The following CATSPER1 variants were observed in gnomAD, a reference collection of about 807,000 sequenced individuals.
The protein encoded by CATSPER1 is cation channel sperm-associated protein 1.
Under a neutral mutation model 72.7 loss-of-function variants are expected in CATSPER1, and 57 were observed. That is an observed-to-expected ratio of 0.78 (90% CI 0.63 to 0.98). The LOEUF (loss-of-function observed/expected upper bound fraction) is 0.98. CATSPER1 is among the 50% of genes least tolerant of loss of function. The pLI, the probability that CATSPER1 is intolerant of heterozygous loss-of-function variation, is 0.00. For missense variants in CATSPER1, 910 were observed against 1,033.9 expected (o/e 0.88, Z 1.64); for synonymous variants, 363 against 403.0 (o/e 0.90, Z 1.19).
intron 1 of CATSPER1, among the ~76,000 whole-genome samples, chr11:66,023,304 G>A (rs1226775174): frequency 1.3e-5 from 2 of 152,178 alleles, no homozygotes; most frequent in Non-Finnish European, 2.9e-5. Context: ...TGGCCAGGCT[G>A]GTCTCGAACT....
Position 66,016,860 on chromosome 11 carries a change from C to T in CATSPER1, c.*30G>A, listed in dbSNP as rs964650213. On this transcript the variant is annotated 3_prime_UTR_variant, in exon 12 of 12. Coordinates refer to ENST00000312106, the MANE Select transcript of CATSPER1 (RefSeq NM_053054.4). ...ACCCAGGTGGGCAGACTGCCAGGGG[C>T]TGAAGTCTGTATCTGGTGTCCTCCT... is the stretch of plus-strand genomic sequence containing the variant. The T allele has an allele frequency of 9.9e-6, 16 of 1,610,734 alleles. No individual in the cohort carries two copies. Among genetic ancestry groups the T allele is most frequent in the Non-Finnish European group, 1.4e-5 (16 of 1,177,922 alleles).
In CATSPER1 at chr11:66,017,193, G is replaced by GGGGGGGGGCCC; in HGVS notation, c.2202-20_2202-19insGGGCCCCCCCC. 3 of 493,778 alleles carry GGGGGGGGGCCC rather than the reference G, an allele frequency of 6.1e-6. No individual in the cohort carries two copies. Among genetic ancestry groups the GGGGGGGGGCCC allele is most frequent in the Non-Finnish European group, 1.2e-5 (3 of 252,602 alleles). The allele number at this position is 493,778 out of a possible 1,614,324, so 30.6% of individuals were successfully genotyped here. A position where few individuals can be genotyped will look rare whatever the true frequency, so the allele number is the denominator to read the frequency against. The stretch of plus-strand genomic sequence containing the variant: ...CTGCTGCCTGCGGGTGGGCGGGGGG[G>GGGGGGGGGCCC]TCGCAGAGACAGGGGCTGGGCTGAC... On this transcript the variant is annotated intron_variant, in intron 10 of 11. Coordinates refer to ENST00000312106, the MANE Select transcript of CATSPER1 (RefSeq NM_053054.4).
chr11:66,020,089 T>C lies in CATSPER1; in HGVS notation c.2125+51A>G, dbSNP rs779977159. The C allele has an allele frequency of 5.1e-6, 8 of 1,575,154 alleles. No individual in the cohort carries two copies. In the African/African-American group the frequency reaches 5.4e-5, roughly 11 times the overall value. On this transcript the variant is annotated intron_variant, in intron 9 of 11. Transcript: ENST00000312106. This position sits in a 1 kb window ranked among gnomAD's most constrained non-coding sequence, Gnocchi z 4.5. Reference sequence around the variant, plus strand: ...AAGGAGGTTAGGGGGATGGAGAGACTGGCCCCCACTGCGGACGGGCAGGTG... The same window carrying C: ...AAGGAGGTTAGGGGGATGGAGAGACCGGCCCCCACTGCGGACGGGCAGGTG...
Position 66,020,384 on chromosome 11 carries a change from A to G in CATSPER1, c.1997T>C (p.Val666Ala), listed in dbSNP as rs759781400. The change falls in exon 8 of 12, where the codon GTG becomes GCG. Residue 666 changes from valine to alanine, a missense_variant. Coordinates refer to ENST00000312106, the MANE Select transcript of CATSPER1 (RefSeq NM_053054.4). The surrounding 1 kb of genome is among the most constrained non-coding windows in gnomAD (Gnocchi z 4.5). ...GAAGCTATCCACCAGGACAGTAATC[A>G]CCAGGCTGGGGAGAGGGACAGGGGT... ...IIQYFIFLNL[V>A]ITVLVDSFQT... 2 of 1,613,980 alleles carry G rather than the reference A, an allele frequency of 1.2e-6. No individual in the cohort carries two copies. Among genetic ancestry groups the G allele is most frequent in the Non-Finnish European group, 1.7e-6 (2 of 1,180,008 alleles).
chr11:66,025,431 C>T lies in CATSPER1; in HGVS notation c.949G>A (p.Asp317Asn), dbSNP rs1379432582. 4.3e-6 allele frequency: 7 copies of T among 1,612,318 alleles called. No homozygotes were observed. The highest frequency in any genetic ancestry group is 2.2e-5 in the South Asian group (2 of 91,006). The change falls in exon 1 of 12, where the codon GAC (aspartate) becomes AAC (asparagine). Residue 317 changes from aspartate to asparagine, a missense_variant. Transcript: ENST00000312106. Reference sequence around the variant, plus strand: ...AGTTGGGAAGTGCTCTGGACGTAGTCGCCATGGAGGTAACTGGAATGATAC... The same window carrying T: ...AGTTGGGAAGTGCTCTGGACGTAGTTGCCATGGAGGTAACTGGAATGATAC... ...GAYHSSYLHG[D>N]YVQSTSQLSI...
Position 66,020,225 on chromosome 11 carries a change from G to T in CATSPER1, c.2065-25C>A. ...TCTGGGAAGAAGAGGCCTCAGATCTGCCAGAGTCCCAGGCCTGCTCAACCC... is the reference window on the plus strand; with the variant it reads ...TCTGGGAAGAAGAGGCCTCAGATCTTCCAGAGTCCCAGGCCTGCTCAACCC... On this transcript the variant is annotated intron_variant, in intron 8 of 11. Coordinates refer to ENST00000312106, the MANE Select transcript of CATSPER1 (RefSeq NM_053054.4). This position sits in a 1 kb window ranked among gnomAD's most constrained non-coding sequence, Gnocchi z 4.5. 6.2e-7 allele frequency: 1 copy of T among 1,614,052 alleles called. No individual in the cohort carries two copies. Among genetic ancestry groups the T allele is most frequent in the Non-Finnish European group, 8.5e-7 (1 of 1,179,956 alleles).
intron 2 of CATSPER1, among the ~76,000 whole-genome samples, chr11:66,022,158 G>T (rs1009785744): frequency 5.3e-5 from 8 of 152,114 alleles, no homozygotes; most frequent in African/African-American, 1.9e-4. Context: ...TGGCCAACAT[G>T]GTGAAACCCT....
Position 66,023,062 on chromosome 11 carries a change from C to G in CATSPER1, c.1217-1G>C. ...TTGCGGGTCCGCTGGAGCCGGCCGG[C>G]TGAAAGGAACAGGGCCAGAAAGTCA... On this transcript the variant is annotated splice_acceptor_variant, in intron 1 of 11. Transcript: ENST00000312106. LOFTEE classifies it high-confidence loss of function. The G allele has an allele frequency of 1.2e-6, 2 of 1,613,790 alleles. No individual in the cohort carries two copies. Among genetic ancestry groups the G allele is most frequent in the Non-Finnish European group, 1.7e-6 (2 of 1,179,744 alleles).
In CATSPER1 at chr11:66,021,500, G is replaced by A. The variant is rs1856368627; in HGVS notation, c.1687C>T (p.Leu563Phe). The A allele has an allele frequency of 6.2e-7, 1 of 1,613,180 alleles. No homozygotes were observed. Among genetic ancestry groups the A allele is most frequent in the East Asian group, 2.2e-5 (1 of 44,888 alleles). The change falls in exon 4 of 12, where the codon CTC becomes TTC. Residue 563 changes from leucine (L) to phenylalanine (F), a missense_variant. Transcript: ENST00000312106. ...ALRAIRVLRR[L>F]SFLTSVQEVT... ...GTGGGAGCCGTGGCCACTGACCTGAGCCTCCGCAGGACCCGGATTGCCCTC... is the reference window on the plus strand; with the variant it reads ...GTGGGAGCCGTGGCCACTGACCTGAACCTCCGCAGGACCCGGATTGCCCTC...
At position 66,020,739 on chromosome 11, in the gene CATSPER1, T is replaced by TG; in HGVS notation, c.1927+71dup. On this transcript the variant is annotated intron_variant, in intron 6 of 11. Coordinates refer to ENST00000312106, the MANE Select transcript of CATSPER1 (RefSeq NM_053054.4). This position sits in a 1 kb window ranked among gnomAD's most constrained non-coding sequence, Gnocchi z 4.5. ...GGCATCAGAAGCCCCACTTTGCCGA[T>TG]GGGGTCACTGAGCCCTGGCCGGTCC... 6.2e-7 allele frequency: 1 copy of TG among 1,608,328 alleles called. No individual in the cohort carries two copies. The highest frequency in any genetic ancestry group is 8.5e-7 in the Non-Finnish European group (1 of 1,176,336).
In CATSPER1 at chr11:66,020,891, A is replaced by T. The variant is rs373303418; in HGVS notation, c.1847T>A (p.Ile616Asn). ...RKSDPKRFQNIFTTIFTLFTL... is the reference protein window; with the variant it reads ...RKSDPKRFQNNFTTIFTLFTL... ...GAAGAGGGTGAAGATGGTGGTGAAG[A>T]TGTTCTGGAAGCGCTTGGGGTCAGA... The change falls in exon 6 of 12, where the codon ATC (isoleucine) becomes AAC (asparagine). Residue 616 changes from isoleucine to asparagine, a missense_variant. Transcript: ENST00000312106. This position sits in a 1 kb window ranked among gnomAD's most constrained non-coding sequence, Gnocchi z 4.5. The T allele has an allele frequency of 9.9e-6, 16 of 1,613,874 alleles. No individual in the cohort carries two copies. Among genetic ancestry groups the T allele is most frequent in the Non-Finnish European group, 1.4e-5 (16 of 1,180,026 alleles).
chr11:66,025,457 G>C lies in CATSPER1; in HGVS notation c.923C>G (p.Ala308Gly), dbSNP rs141376441. 7 of 1,613,518 alleles carry C rather than the reference G, an allele frequency of 4.3e-6. No homozygotes were observed. The highest frequency in any genetic ancestry group is 5.9e-6 in the Non-Finnish European group (7 of 1,179,938). Residue 308 changes from alanine (A) to glycine (G), a missense_variant, in exon 1 of 12, where the codon GCG becomes GGG. Ala to Gly is a moderately conservative substitution (Grantham distance 60). Transcript: ENST00000312106. ...DYHQHQDHHG[A>G]YHSSYLHGDY... is the part of the protein sequence containing the mutation. Reference sequence around the variant, plus strand: ...GCCATGGAGGTAACTGGAATGATACGCGCCGTGGTGGTCTTGGTGCTGATG... The same window carrying C: ...GCCATGGAGGTAACTGGAATGATACCCGCCGTGGTGGTCTTGGTGCTGATG...
In CATSPER1 at chr11:66,025,237, G is replaced by A. The variant is rs1332179297; in HGVS notation, c.1143C>T (p.Val381=). 1 of 1,614,192 alleles carries A rather than the reference G, an allele frequency of 6.2e-7. No individual in the cohort carries two copies. The highest frequency in any genetic ancestry group is 1.1e-5 in the South Asian group (1 of 91,076). ...GTTTGGTGGAGATATCCTGGGTATGGACTTTTTTGGACATCTGGGTGACAC... is the reference window on the plus strand; with the variant it reads ...GTTTGGTGGAGATATCCTGGGTATGAACTTTTTTGGACATCTGGGTGACAC... ...RSRVTQMSKK[V]HTQDISTKHS... The change falls in exon 1 of 12, where the codon GTC becomes GTT. Residue 381 remains valine, a synonymous_variant. Transcript: ENST00000312106.
At chr11:66,018,207 C>CAA (rs539636076) in intron 10 of CATSPER1, among the ~76,000 whole-genome samples, 9 of 67,726 alleles carry the variant, frequency 1.3e-4, no homozygotes, top group African/African-American at 3.7e-4. Context: ...GACCCTGTCT[C>CAA]AAAAAAAAAA....
At chr11:66,017,018 G>A in intron 11 of CATSPER1, 42 bp downstream of exon 11, 1 of 1,612,468 alleles carries the variant, frequency 6.2e-7, no homozygotes, top group Non-Finnish European at 8.5e-7. Flanking sequence ...CAAGCCCCTG[G>A]GGTTCCCCTC....
chr11:66,019,444 T>C (rs1856308639), intron 9 of CATSPER1, among the ~76,000 whole-genome samples: 1 of 151,908 alleles, frequency 6.6e-6, no homozygotes, highest in Admixed American at 6.6e-5. Flanking sequence ...GCCCAGCTAA[T>C]TTTTGTATTT....
chr11:66,017,978 C>T (rs1416326662), intron 10 of CATSPER1, among the ~76,000 whole-genome samples: 1 of 152,088 alleles, frequency 6.6e-6, no homozygotes, highest in East Asian at 1.9e-4. Flanking sequence ...GCAGGTGGAT[C>T]ATTTGAGGTC....
chr11:66,021,006 CCCCTCGTCCTGCCCCAT>C, intron 5 of CATSPER1, 52 bp from the exon 6 acceptor site: 2 of 1,612,036 alleles, frequency 1.2e-6, no homozygotes, highest in Non-Finnish European at 1.7e-6. Flanking sequence ...CACCCCAGCG[CCCCTCGTCCTGCCCCAT>C]CCCTGCTCCC....
chr11:66,022,028 T>C (rs1856384823), intron 2 of CATSPER1, 149 bp from the exon 3 acceptor site: 1 of 703,224 alleles, frequency 1.4e-6, no homozygotes, highest in Admixed American at 2.0e-5. Context: ...TGTGTCTCAG[T>C]TTTCTTGTCT....
Sources: allele counts gnomAD v4.1 joint callset (sites outside exome capture counted in the v4.1 genomes callset), GRCh38; gene constraint gnomAD v4.1.1; non-coding constraint Gnocchi (gnomAD v3.1); transcripts MANE v1.5; gene names NCBI Gene and HGNC (gene_info 2026-07-23, HGNC 2026-07-21).